CFAP210: variants seen among roughly 807,000 people sequenced by gnomAD.
CFAP210 encodes cilia and flagella associated protein 210, also known as cilia- and flagella- associated protein 210.
At chr2:169,647,566 T>C in the CFAP210 span, among the ~76,000 whole-genome samples, 1 of 150,648 alleles carries the variant, frequency 6.6e-6, no homozygotes, top group Non-Finnish European at 1.5e-5. Flanking sequence ...TCTGTTTTTT[T>C]CTTTAAAAAT....
chr2:169,666,348 AAAAC>A, the CFAP210 span, among the ~76,000 whole-genome samples: 2 of 151,722 alleles, frequency 1.3e-5, no homozygotes, highest in Admixed American at 6.6e-5. Flanking sequence ...GAGACAAGAA[AAAAC>A]AAACAAACAA....
At chr2:169,651,098 G>A in the CFAP210 span, among the ~76,000 whole-genome samples, 1,269 of 151,570 alleles carry the variant, frequency 8.4e-3, 8 homozygotes, top group Non-Finnish European at 0.014. Flanking sequence ...GTGGTGGCAG[G>A]CGCCTGTAAT....
At chr2:169,664,154 C>T in the CFAP210 span, among the ~76,000 whole-genome samples, 13 of 151,990 alleles carry the variant, frequency 8.6e-5, no homozygotes, top group East Asian at 1.2e-3. Flanking sequence ...CCTGAGATCA[C>T]GCCACTGCAC....
the CFAP210 span, among the ~76,000 whole-genome samples, chr2:169,682,421 T>C: frequency 6.6e-6 from 1 of 152,156 alleles, no homozygotes; most frequent in African/African-American, 2.4e-5. Flanking sequence ...TACCATTTAC[T>C]TGAATACTTG....
At chr2:169,660,016 G>GT in the CFAP210 span, among the ~76,000 whole-genome samples, 5 of 151,716 alleles carry the variant, frequency 3.3e-5, no homozygotes, top group Non-Finnish European at 2.9e-5. Flanking sequence ...TCATCTCTGA[G>GT]TTTTTTTATT....
the CFAP210 span, chr2:169,646,022 A>C: frequency 6.2e-7 from 1 of 1,613,968 alleles, no homozygotes; most frequent in Non-Finnish European, 8.5e-7. Flanking sequence ...AGCTTTTACA[A>C]GAGGGTAAAT....
the CFAP210 span, chr2:169,674,880 A>C: frequency 1.3e-6 from 2 of 1,509,414 alleles, no homozygotes; most frequent in Non-Finnish European, 1.8e-6. Flanking sequence ...AAAGTTTTTC[A>C]CTCTTTCTGT....
the CFAP210 span, among the ~76,000 whole-genome samples, chr2:169,666,263 C>G: frequency 6.6e-6 from 1 of 151,722 alleles, no homozygotes; most frequent in Non-Finnish European, 1.5e-5. Flanking sequence ...CATTCATTTA[C>G]CTAGTATTTA....
the CFAP210 span, chr2:169,645,788 G>T: frequency 9.1e-7 from 1 of 1,095,332 alleles, no homozygotes; most frequent in Non-Finnish European, 1.3e-6. Flanking sequence ...ATTTATATTT[G>T]AAGCTCATAT....
At chr2:169,685,018 A>G in the CFAP210 span, among the ~76,000 whole-genome samples, 1 of 152,298 alleles carries the variant, frequency 6.6e-6, no homozygotes, top group Admixed American at 6.5e-5. Context: ...TTGTTTATCC[A>G]TTCATCAGTT....
chr2:169,659,171 A>T, the CFAP210 span: 1 of 152,188 alleles, frequency 6.6e-6, no homozygotes, highest in Non-Finnish European at 1.5e-5. Context: ...TGTCCACCAG[A>T]TTGGGCTTTA....
the CFAP210 span, among the ~76,000 whole-genome samples, chr2:169,687,724 C>T: frequency 6.6e-6 from 1 of 152,164 alleles, no homozygotes; most frequent in African/African-American, 2.4e-5. Flanking sequence ...AGTGGATCCA[C>T]CATGCTGGGG....
At chr2:169,665,495 G>C in the CFAP210 span, among the ~76,000 whole-genome samples, 1 of 151,704 alleles carries the variant, frequency 6.6e-6, no homozygotes. Context: ...TTTTAAGAGA[G>C]ACAGAGTTGT....
the CFAP210 span, chr2:169,650,426 A>G: frequency 1.8e-5 from 29 of 1,608,352 alleles, no homozygotes; most frequent in African/African-American, 2.7e-5. Flanking sequence ...AGCTTCTGCA[A>G]TATCTCTAGC....
At chr2:169,649,298 C>T in the CFAP210 span, 11 of 1,613,158 alleles carry the variant, frequency 6.8e-6, no homozygotes, top group South Asian at 9.9e-5. Context: ...AGCAATTGTT[C>T]TTTAGCCTCT....
chr2:169,675,639 A>C, the CFAP210 span, among the ~76,000 whole-genome samples: 421 of 152,248 alleles, frequency 2.8e-3, 1 homozygote, highest in African/African-American at 9.7e-3. Flanking sequence ...AGCAGGCCCC[A>C]CCTCCAACAC....
chr2:169,648,798 T>C, the CFAP210 span, among the ~76,000 whole-genome samples: 21,933 of 152,082 alleles, frequency 0.14, 1,647 homozygotes, highest in South Asian at 0.26. Context: ...TGCTAGGTCC[T>C]CTACACATCT....
At chr2:169,681,807 T>C in the CFAP210 span, among the ~76,000 whole-genome samples, 2 of 152,320 alleles carry the variant, frequency 1.3e-5, no homozygotes, top group African/African-American at 4.8e-5. Flanking sequence ...CTTGCAACTT[T>C]TAGAAAAGTT....
the CFAP210 span, among the ~76,000 whole-genome samples, chr2:169,681,889 A>T: frequency 6.6e-6 from 1 of 152,222 alleles, no homozygotes; most frequent in African/African-American, 2.4e-5. Context: ...AAAGACAGAC[A>T]AACAGCTATG....
Sources: gnomAD v4.1 joint callset for allele counts (sites outside exome capture counted in the v4.1 genomes callset) on GRCh38, gnomAD v4.1.1 for gene constraint, MANE v1.5 for transcripts, NCBI Gene and HGNC (gene_info 2026-07-23, HGNC 2026-07-21) for gene names.